Variants in ST8SIA6 observed in about 807,000 individuals in gnomAD.
ST8SIA6 encodes ST8 alpha-N-acetyl-neuraminide alpha-2,8-sialyltransferase 6.
A neutral mutation model predicts 33.6 loss-of-function variants in ST8SIA6; 39 were observed. That is an observed-to-expected ratio of 1.16 (90% CI 0.90 to 1.52). ST8SIA6 has a LOEUF of 1.52. Among genes scored for constraint, ST8SIA6 ranks in the 40% most tolerant of loss-of-function variants. The probability of loss-of-function intolerance (pLI) is 0.00; values close to 1 mark genes in which losing one functional copy is unlikely to be tolerated. For synonymous variants in ST8SIA6, 172 were observed against 167.2 expected, an observed-to-expected ratio of 1.03 and a Z score of -0.22; for missense variants, 441 against 443.8, an observed-to-expected ratio of 0.99 and a Z score of 0.06.
intron 5 of ST8SIA6, 64 bp downstream of exon 5, chr10:17,331,344 T>A: frequency 6.5e-7 from 1 of 1,531,894 alleles, no homozygotes; most frequent in Non-Finnish European, 8.8e-7. Context: ...AAGTTACAGC[T>A]TAAAGTAAAA....
chr10:17,371,677 T>C (rs970850087), intron 3 of ST8SIA6, among the ~76,000 whole-genome samples: 2 of 150,512 alleles, frequency 1.3e-5, no homozygotes, highest in African/African-American at 4.9e-5. Flanking sequence ...TCCCAGTTAC[T>C]TGGGAGGTTG....
chr10:17,332,828 T>C (rs558151675), intron 4 of ST8SIA6, among the ~76,000 whole-genome samples: 62 of 152,224 alleles, frequency 4.1e-4, no homozygotes, highest in Non-Finnish European at 7.3e-4. Flanking sequence ...TGATGAGCTT[T>C]TTTTCATGTT....
chr10:17,415,023 C>G (rs1281016300), intron 2 of ST8SIA6, among the ~76,000 whole-genome samples: 1 of 152,068 alleles, frequency 6.6e-6, no homozygotes, highest in Non-Finnish European at 1.5e-5. Flanking sequence ...TCTTACATAA[C>G]TAGGGTTATC....
chr10:17,346,024 T>C (rs1848821072), intron 4 of ST8SIA6, among the ~76,000 whole-genome samples: 1 of 152,184 alleles, frequency 6.6e-6, no homozygotes, highest in Non-Finnish European at 1.5e-5. Context: ...TGCGAGGTCA[T>C]AGAAAGTGTT....
At chr10:17,420,620 A>G (rs1457586207) in intron 2 of ST8SIA6, among the ~76,000 whole-genome samples, 1 of 152,164 alleles carries the variant, frequency 6.6e-6, no homozygotes, top group Non-Finnish European at 1.5e-5. Context: ...ATGCTGTGGC[A>G]TGCCACCCAG....
chr10:17,366,259 T>C (rs1382835441), intron 3 of ST8SIA6, among the ~76,000 whole-genome samples: 2 of 152,116 alleles, frequency 1.3e-5, no homozygotes, highest in East Asian at 3.9e-4. Flanking sequence ...TCAACCAGCA[T>C]GGGAAAAAGG....
chr10:17,407,159 C>T (rs1329048335), intron 2 of ST8SIA6, among the ~76,000 whole-genome samples: 1 of 152,126 alleles, frequency 6.6e-6, no homozygotes, highest in Non-Finnish European at 1.5e-5. Context: ...TTTTTAAACC[C>T]ACATAGCTTA....
At chr10:17,414,438 G>A (rs151293099) in intron 2 of ST8SIA6, among the ~76,000 whole-genome samples, 1 of 152,144 alleles carries the variant, frequency 6.6e-6, no homozygotes, top group African/African-American at 2.4e-5. Context: ...AGCCTGCAGA[G>A]GAGCAACACT....
chr10:17,365,227 A>G (rs1486746409), intron 3 of ST8SIA6, among the ~76,000 whole-genome samples: 2 of 152,276 alleles, frequency 1.3e-5, no homozygotes, highest in Non-Finnish European at 2.9e-5. Flanking sequence ...AATAAATGTC[A>G]TATTAAAATT....
At chr10:17,430,636 T>A (rs776497811) in intron 2 of ST8SIA6, among the ~76,000 whole-genome samples, 1 of 152,188 alleles carries the variant, frequency 6.6e-6, no homozygotes, top group Non-Finnish European at 1.5e-5. Flanking sequence ...CCCTGATGAT[T>A]AGTGGTGTCA....
intron 2 of ST8SIA6, among the ~76,000 whole-genome samples, chr10:17,433,627 C>T (rs1391351045): frequency 6.6e-6 from 1 of 152,112 alleles, no homozygotes; most frequent in Admixed American, 6.5e-5. Flanking sequence ...GGACAGAGCA[C>T]CTGGGACTCA....
intron 4 of ST8SIA6, among the ~76,000 whole-genome samples, chr10:17,335,962 T>A (rs954746107): frequency 2.2e-4 from 14 of 64,500 alleles, no homozygotes; most frequent in Non-Finnish European, 4.0e-4. Flanking sequence ...TTTGCTGAAT[T>A]TTTTTTTTTT....
At chr10:17,417,468 CAG>C (rs749822242) in intron 2 of ST8SIA6, among the ~76,000 whole-genome samples, 2 of 152,158 alleles carry the variant, frequency 1.3e-5, no homozygotes, top group Non-Finnish European at 2.9e-5. Context: ...GTCAACCCCT[CAG>C]AGTGACTTTT....
chr10:17,433,881 C>T (rs548990238), intron 2 of ST8SIA6, among the ~76,000 whole-genome samples: 88 of 152,274 alleles, frequency 5.8e-4, no homozygotes, highest in Admixed American at 1.3e-3. Context: ...CTGTCCTCAA[C>T]ACATATCCTG....
intron 2 of ST8SIA6, among the ~76,000 whole-genome samples, chr10:17,436,281 TG>T (rs542359072): frequency 2.6e-5 from 4 of 152,068 alleles, no homozygotes; most frequent in African/African-American, 7.2e-5. Flanking sequence ...GGAGGGTCCC[TG>T]GGGGGGAGGT....
chr10:17,409,749 C>G (rs940195773), intron 2 of ST8SIA6: 6 of 152,612 alleles, frequency 3.9e-5, no homozygotes, highest in Non-Finnish European at 5.8e-5. Context: ...GTGGTGCATG[C>G]CTGTAATCCC....
At chr10:17,375,890 GA>G (rs1326749544) in intron 3 of ST8SIA6, among the ~76,000 whole-genome samples, 1 of 152,184 alleles carries the variant, frequency 6.6e-6, no homozygotes, top group Non-Finnish European at 1.5e-5. Flanking sequence ...CCACCTTTAA[GA>G]GACACCCTAG....
rs187439935 is a variant in ST8SIA6 at position 17,347,242 on chromosome 10, C to A, written c.377+12272G>T. On this transcript the variant is annotated intron_variant, in intron 4 of 7. Transcript: ENST00000377602. Reference sequence around the variant, plus strand: ...CAATTAGCCATCCCAGTAACCCAGACCAGAGATGGGTGGTGAGATTGCAAA... The same window carrying A: ...CAATTAGCCATCCCAGTAACCCAGAACAGAGATGGGTGGTGAGATTGCAAA... Among the ~76,000 whole-genome samples the A allele has an allele frequency of 1.1e-3, 171 of 152,218 alleles. 2 individuals are homozygous for A. The highest frequency in any genetic ancestry group is 4.1e-3 in the African/African-American group (169 of 41,520).
At position 17,316,863 on chromosome 10, in the gene ST8SIA6, T is replaced by C. The variant is rs1180967470; in HGVS notation, c.*4015A>G. Among the ~76,000 whole-genome samples, 1 of 152,152 alleles carries C rather than the reference T, an allele frequency of 6.6e-6. No individual in the cohort carries two copies. Among genetic ancestry groups the C allele is most frequent in the Non-Finnish European group, 1.5e-5 (1 of 67,996 alleles). ...AATGTCTCTCTATTAATGTCATTAA[T>C]TTTATGCATTACTAAAAGCTATTTC... On this transcript the variant is annotated 3_prime_UTR_variant, in exon 8 of 8. Transcript: ENST00000377602.
Sources: allele counts gnomAD v4.1 joint callset (sites outside exome capture counted in the v4.1 genomes callset), GRCh38; gene constraint gnomAD v4.1.1; transcripts MANE v1.5; gene names NCBI Gene and HGNC (gene_info 2026-07-23, HGNC 2026-07-21).